The following AGBL4 variants were observed in gnomAD, a reference collection of about 807,000 sequenced individuals.
The protein encoded by AGBL4 is cytosolic carboxypeptidase 6.
A neutral mutation model predicts 66.4 loss-of-function variants in AGBL4; 58 were observed. The observed-to-expected ratio is 0.87, with a 90% CI of 0.71 to 1.09. AGBL4 has a LOEUF of 1.09. AGBL4 is among the 50% of genes least tolerant of loss of function. The pLI, the probability that AGBL4 is intolerant of heterozygous loss-of-function variation, is 0.00. For missense variants in AGBL4, 579 were observed against 631.0 expected, an observed-to-expected ratio of 0.92 and a Z score of 0.88; for synonymous variants, 234 against 222.9, an observed-to-expected ratio of 1.05 and a Z score of -0.44.
intron 1 of AGBL4, among the ~76,000 whole-genome samples, chr1:49,896,298 C>A (rs1649195024): frequency 6.6e-6 from 1 of 152,024 alleles, no homozygotes; most frequent in South Asian, 2.1e-4. Context: ...GACATAAACA[C>A]CCTGCTTTCA....
rs148908792 is a variant in AGBL4 at position 49,572,203 on chromosome 1, G to A, written c.282+125110C>T. ...CAACTAAGAATACATAGGCTATGGG[G>A]CTTCTTTTTGTTCAAAAAACTTTAT... On this transcript the variant is annotated intron_variant, in intron 3 of 13. Transcript: ENST00000371839. 1.4e-4 allele frequency among the ~76,000 whole-genome samples: 22 copies of A among 152,134 alleles called. No individual in the cohort carries two copies. In the East Asian group the frequency reaches 4.2e-3, roughly 29 times the overall value.
intron 5 of AGBL4, among the ~76,000 whole-genome samples, chr1:48,948,177 A>C (rs1656682191): frequency 6.6e-6 from 1 of 152,222 alleles, no homozygotes. Flanking sequence ...GACTTGTTTA[A>C]GGCACACAGC....
intron 3 of AGBL4, among the ~76,000 whole-genome samples, chr1:49,688,954 A>G (rs1209085569): frequency 1.3e-5 from 2 of 151,902 alleles, no homozygotes; most frequent in Non-Finnish European, 2.9e-5. Context: ...TGAGTTCCTT[A>G]TATTTTCTGA....
At chr1:49,462,526 T>C (rs1001596971) in intron 3 of AGBL4, among the ~76,000 whole-genome samples, 1 of 151,716 alleles carries the variant, frequency 6.6e-6, no homozygotes, top group African/African-American at 2.4e-5. Context: ...GGCTATTTAT[T>C]AGGGAGAAGA....
At chr1:49,443,846 G>A (rs959598570) in intron 3 of AGBL4, among the ~76,000 whole-genome samples, 1 of 151,166 alleles carries the variant, frequency 6.6e-6, no homozygotes, top group African/African-American at 2.4e-5. Context: ...TCCTTGAGAT[G>A]CATTATTAGA....
intron 4 of AGBL4, among the ~76,000 whole-genome samples, chr1:49,165,591 G>A (rs1322896550): frequency 1.3e-5 from 2 of 151,716 alleles, no homozygotes; most frequent in African/African-American, 4.8e-5. Context: ...TCTTGATAAT[G>A]TGATAAGAAA....
intron 3 of AGBL4, among the ~76,000 whole-genome samples, chr1:49,403,734 A>G (rs1047484273): frequency 1.3e-5 from 2 of 152,178 alleles, no homozygotes; most frequent in African/African-American, 4.8e-5. Context: ...AAAACTGTTC[A>G]ATATCATATA....
intron 5 of AGBL4, among the ~76,000 whole-genome samples, chr1:49,007,970 T>A (rs1248795341): frequency 6.6e-6 from 1 of 151,960 alleles, no homozygotes; most frequent in Non-Finnish European, 1.5e-5. Context: ...CTGCATCAAC[T>A]AACGAGCAAA....
At chr1:49,952,557 G>C (rs570130563) in intron 1 of AGBL4, among the ~76,000 whole-genome samples, 3 of 151,830 alleles carry the variant, frequency 2.0e-5, no homozygotes, top group African/African-American at 7.2e-5. Flanking sequence ...TTAAGAAATT[G>C]AACAAAAAGT....
At chr1:48,823,043 G>A (rs149358706) in intron 6 of AGBL4, among the ~76,000 whole-genome samples, 2 of 152,224 alleles carry the variant, frequency 1.3e-5, no homozygotes, top group African/African-American at 2.4e-5. Flanking sequence ...AGGACTATTC[G>A]ATAGAAAACA....
At chr1:48,854,431 T>G (rs1253858324) in intron 6 of AGBL4, among the ~76,000 whole-genome samples, 2 of 152,188 alleles carry the variant, frequency 1.3e-5, no homozygotes, top group African/African-American at 4.8e-5. Context: ...ATAAGTCCCT[T>G]CACTGCCCAG....
At chr1:49,650,069 C>T (rs937063342) in intron 3 of AGBL4, among the ~76,000 whole-genome samples, 47 of 152,180 alleles carry the variant, frequency 3.1e-4, no homozygotes, top group Non-Finnish European at 4.6e-4. Context: ...CTATGTTTTC[C>T]TTTTAGTAAA....
chr1:48,942,956 C>A (rs972232141), intron 5 of AGBL4, among the ~76,000 whole-genome samples: 7 of 152,174 alleles, frequency 4.6e-5, no homozygotes, highest in African/African-American at 1.7e-4. Context: ...TACTAGTGAG[C>A]TGGATTTTTT....
At chr1:49,138,122 G>A (rs1437778675) in intron 4 of AGBL4, among the ~76,000 whole-genome samples, 3 of 152,126 alleles carry the variant, frequency 2.0e-5, no homozygotes, top group Non-Finnish European at 2.9e-5. Context: ...GAGTATGGGA[G>A]GAAGAAACTT....
intron 5 of AGBL4, among the ~76,000 whole-genome samples, chr1:49,009,412 G>T (rs1466555087): frequency 4.0e-5 from 6 of 149,764 alleles, no homozygotes; most frequent in African/African-American, 1.5e-4. Flanking sequence ...AAAGAGTCCA[G>T]GACCAGATGG....
At chr1:49,364,178 G>A (rs879934336) in intron 3 of AGBL4, among the ~76,000 whole-genome samples, 1 of 152,136 alleles carries the variant, frequency 6.6e-6, no homozygotes, top group Non-Finnish European at 1.5e-5. Context: ...TAATTAATGG[G>A]AGACCATTCA....
intron 3 of AGBL4, among the ~76,000 whole-genome samples, chr1:49,628,784 G>T (rs1280643779): frequency 6.6e-6 from 1 of 152,142 alleles, no homozygotes; most frequent in Non-Finnish European, 1.5e-5. Flanking sequence ...TATGCATACT[G>T]TTTTCTATCC....
intron 3 of AGBL4, among the ~76,000 whole-genome samples, chr1:49,393,956 C>G (rs1644903411): frequency 6.6e-6 from 1 of 152,110 alleles, no homozygotes; most frequent in Non-Finnish European, 1.5e-5. Flanking sequence ...CTCTGAATAT[C>G]AAGCCAAAAA....
intron 2 of AGBL4, chr1:49,845,923 C>A: frequency 6.8e-7 from 1 of 1,462,106 alleles, no homozygotes; most frequent in Non-Finnish European, 9.6e-7. Context: ...CCTACAAATG[C>A]AATGACTGCA....
Sources: allele counts gnomAD v4.1 joint callset (sites outside exome capture counted in the v4.1 genomes callset), GRCh38; gene constraint gnomAD v4.1.1; transcripts MANE v1.5; gene names NCBI Gene and HGNC (gene_info 2026-07-23, HGNC 2026-07-21).